NDUFAF7: variants seen among roughly 807,000 people sequenced by gnomAD.
The protein encoded by NDUFAF7 is protein arginine methyltransferase NDUFAF7, mitochondrial.
NDUFAF7 carries 48 observed loss-of-function variants against 47.2 expected under a neutral mutation model. The observed-to-expected ratio is 1.02, with a 90% CI of 0.81 to 1.29. NDUFAF7 has a LOEUF of 1.29. Ranked by LOEUF, NDUFAF7 falls within the 50% of genes most tolerant of loss-of-function variation. The pLI is 0.00. For missense variants in NDUFAF7, 635 were observed against 537.6 expected, an observed-to-expected ratio of 1.18 and a Z score of -1.79; for synonymous variants, 217 against 190.0, an observed-to-expected ratio of 1.14 and a Z score of -1.17.
chr2:37,240,032 G>A (rs1666197584), intron 4 of NDUFAF7, among the ~76,000 whole-genome samples: 1 of 152,166 alleles, frequency 6.6e-6, no homozygotes, highest in Non-Finnish European at 1.5e-5. Context: ...GTTGTTTATA[G>A]TACCTGATAA....
intron 1 of NDUFAF7, 86 bp from the exon 2 acceptor site, chr2:37,232,020 G>A (rs1369125051): frequency 2.5e-6 from 4 of 1,609,442 alleles, no homozygotes; most frequent in Non-Finnish European, 3.4e-6. Flanking sequence ...AAGGGTTCAC[G>A]AAGCTGTTTT....
downstream of NDUFAF7, chr2:37,254,331 C>G: frequency 6.8e-7 from 1 of 1,479,558 alleles, no homozygotes; most frequent in Non-Finnish European, 9.5e-7. Flanking sequence ...TTTGGGTGCA[C>G]AGAGTACCCC....
chr2:37,270,213 G>A, the NDUFAF7 span, among the ~76,000 whole-genome samples: 3 of 151,694 alleles, frequency 2.0e-5, no homozygotes, highest in African/African-American at 7.3e-5. Context: ...GGCAACAAGA[G>A]CGAGACTCCA....
downstream of NDUFAF7, among the ~76,000 whole-genome samples, chr2:37,249,592 CA>C (rs1667300624): frequency 8.2e-6 from 1 of 122,596 alleles, no homozygotes; most frequent in Non-Finnish European, 1.6e-5. Flanking sequence ...CACACACACA[CA>C]CACACACACA....
At chr2:37,256,524 G>T, downstream of NDUFAF7, 1 of 1,166,392 alleles carries the variant, frequency 8.6e-7, no homozygotes, top group Non-Finnish European at 1.2e-6. Flanking sequence ...CTGGTAACTA[G>T]TTGAATTTGG....
chr2:37,250,064 T>G (rs1437007539), downstream of NDUFAF7, among the ~76,000 whole-genome samples: 1 of 151,762 alleles, frequency 6.6e-6, no homozygotes, highest in African/African-American at 2.4e-5. Flanking sequence ...TCATTAGCTA[T>G]CATTAGTGGT....
Position 37,248,320 on chromosome 2 carries a change from A to G in NDUFAF7, c.1296A>G (p.Val432=), listed in dbSNP as rs769911370. The part of the protein sequence containing the change: ...ARQSKPFASV[V]AGFSELAWQ ...AGTCAAAACCCTTTGCATCCGTTGT[A>G]GCTGGGTTTAGTGAACTTGCTTGGC... Residue 432 remains valine, a synonymous_variant, in exon 10 of 10, where the codon GTA becomes GTG. Transcript: ENST00000002125. 2.9e-5 allele frequency: 46 copies of G among 1,614,022 alleles called. 1 individual carries two copies. The South Asian group carries it at 4.8e-4, about 17-fold the overall frequency.
chr2:37,270,856 G>GTA, the NDUFAF7 span, among the ~76,000 whole-genome samples: 1 of 152,134 alleles, frequency 6.6e-6, no homozygotes. Context: ...GTATGTATGT[G>GTA]TATATATATT....
intron 4 of NDUFAF7, 94 bp from the exon 5 acceptor site, chr2:37,241,484 C>G (rs1048853523): frequency 6.7e-5 from 70 of 1,044,130 alleles, no homozygotes; most frequent in Non-Finnish European, 9.4e-5. Flanking sequence ...AATATTACCT[C>G]TATTGTGACA....
At position 37,236,117 on chromosome 2, in the gene NDUFAF7, A is replaced by T. The variant is rs761794765; in HGVS notation, c.238A>T (p.Met80Leu). 6.2e-7 allele frequency: 1 copy of T among 1,613,286 alleles called. No homozygotes were observed. The highest frequency in any genetic ancestry group is 1.1e-5 in the South Asian group (1 of 91,064). ...TCAGGGTTATTATGTGTACCGTGAC[A>T]TGCTAGGCGAAAAAGGAGATTTCAT... ...PAKGYYVYRD[M>L]LGEKGDFITS... The change falls in exon 3 of 10, where the codon ATG becomes TTG. Residue 80 changes from methionine (M) to leucine (L), a missense_variant. Coordinates refer to ENST00000002125, the MANE Select transcript of NDUFAF7 (RefSeq NM_144736.5).
intron 1 of NDUFAF7, 54 bp from the exon 2 acceptor site, chr2:37,232,052 G>A (rs2148373525): frequency 6.2e-7 from 1 of 1,613,620 alleles, no homozygotes; most frequent in Admixed American, 1.7e-5. Flanking sequence ...GGCGGCTTGC[G>A]CTCGTGAATG....
At chr2:37,266,309 G>C in the NDUFAF7 span, among the ~76,000 whole-genome samples, 3 of 152,296 alleles carry the variant, frequency 2.0e-5, no homozygotes, top group East Asian at 5.8e-4. Flanking sequence ...AGCAAATGGG[G>C]CTCTGACAGC....
the NDUFAF7 span, among the ~76,000 whole-genome samples, chr2:37,266,676 T>TG: frequency 5.9e-5 from 9 of 152,068 alleles, no homozygotes; most frequent in East Asian, 1.9e-4. Flanking sequence ...TTAGTAGAGA[T>TG]GGGGTCTCAC....
chr2:37,265,853 T>C, the NDUFAF7 span, among the ~76,000 whole-genome samples: 3 of 152,192 alleles, frequency 2.0e-5, no homozygotes, highest in Non-Finnish European at 4.4e-5. Flanking sequence ...ACCTGGTTAT[T>C]CCTAAATTTA....
In NDUFAF7 at chr2:37,248,255, CAG is replaced by C. The variant is rs758561305; in HGVS notation, c.1235_1236del (p.Arg412ThrfsTer24). On this transcript the variant is annotated frameshift_variant, in exon 10 of 10. Coordinates refer to ENST00000002125, the MANE Select transcript of NDUFAF7 (RefSeq NM_144736.5). LOFTEE classifies it low-confidence loss of function (END_TRUNC). ...RFNFFALLPHQRLQGGRYQRN... is the reference protein window; with the variant it reads ...RFNFFALLPHXRLQGGRYQRN... ...TAACTTTTTTGCCTTGCTACCTCAT[CAG>C]AGACTTCAAGGTGGAAGATATCAGA... The C allele has an allele frequency of 1.5e-5, 24 of 1,613,872 alleles. No homozygotes were observed. The highest frequency in any genetic ancestry group is 4.5e-5 in the East Asian group (2 of 44,882).
intron 7 of NDUFAF7, among the ~76,000 whole-genome samples, chr2:37,245,818 A>G (rs1666839811): frequency 6.6e-6 from 1 of 152,230 alleles, no homozygotes; most frequent in African/African-American, 2.4e-5. Flanking sequence ...TTGCCTTTTT[A>G]TAAAAGAGAT....
At chr2:37,264,315 A>G in the NDUFAF7 span, among the ~76,000 whole-genome samples, 3 of 152,238 alleles carry the variant, frequency 2.0e-5, no homozygotes, top group African/African-American at 7.2e-5. Flanking sequence ...TTCATTAAAT[A>G]TTAAATAAGA....
At chr2:37,235,904 C>A (rs971181214) in intron 2 of NDUFAF7, among the ~76,000 whole-genome samples, 192 bp from the exon 3 acceptor site, 1 of 152,016 alleles carries the variant, frequency 6.6e-6, no homozygotes, top group Non-Finnish European at 1.5e-5. Context: ...GTGATCCACC[C>A]GTCTCGGCCT....
chr2:37,258,273 T>C (rs1668135608), downstream of NDUFAF7, among the ~76,000 whole-genome samples: 1 of 152,234 alleles, frequency 6.6e-6, no homozygotes, highest in Non-Finnish European at 1.5e-5. Context: ...TGAATGATAT[T>C]TGCTCAAAAT....
Sources: allele counts gnomAD v4.1 joint callset (sites outside exome capture counted in the v4.1 genomes callset), GRCh38; gene constraint gnomAD v4.1.1; transcripts MANE v1.5; gene names NCBI Gene and HGNC (gene_info 2026-07-23, HGNC 2026-07-21).